Variants in NSUN3 observed in about 807,000 individuals in gnomAD.
The protein encoded by NSUN3 is NOP2/Sun RNA methyltransferase 3.
NSUN3 carries 24 observed loss-of-function variants against 36.8 expected under a neutral mutation model. The observed-to-expected ratio is 0.65, with a 90% CI of 0.47 to 0.92. The LOEUF (loss-of-function observed/expected upper bound fraction) is 0.92. Ranked by LOEUF, NSUN3 falls within the 40% of genes least tolerant of loss-of-function variation. NSUN3 has a pLI of 0.00. For synonymous variants in NSUN3, 146 were observed against 145.2 expected, an observed-to-expected ratio of 1.01 and a Z score of -0.04; for missense variants, 381 against 392.8, an observed-to-expected ratio of 0.97 and a Z score of 0.25.
Position 94,078,837 on chromosome 3 carries a change from G to A in NSUN3, c.123-5270G>A, listed in dbSNP as rs1017934089. Among the ~76,000 whole-genome samples, 7 of 152,084 alleles carry A rather than the reference G, an allele frequency of 4.6e-5. No individual in the cohort carries two copies. The East Asian group carries it at 7.7e-4, about 17-fold the overall frequency. On this transcript the variant is annotated intron_variant, in intron 2 of 5. Transcript: ENST00000314622. Reference sequence around the variant, plus strand: ...TGAACCTATGTGTGTCTCTGCATGCGAGATGGGTCTCCTGAATACAGCACA... The same window carrying A: ...TGAACCTATGTGTGTCTCTGCATGCAAGATGGGTCTCCTGAATACAGCACA...
intron 5 of NSUN3, among the ~76,000 whole-genome samples, chr3:94,112,395 G>A (rs185987818): frequency 4.6e-5 from 7 of 152,236 alleles, no homozygotes; most frequent in South Asian, 2.1e-4. Context: ...ACAACTCCAC[G>A]TGGTACCAAA....
chr3:94,081,087 G>A (rs1416250031), intron 2 of NSUN3, among the ~76,000 whole-genome samples: 1 of 152,198 alleles, frequency 6.6e-6, no homozygotes, highest in Admixed American at 6.5e-5. Context: ...TAGACCATGG[G>A]GAAAGCGTGG....
intron 5 of NSUN3, among the ~76,000 whole-genome samples, chr3:94,098,114 C>G (rs2077350829): frequency 6.6e-6 from 1 of 152,070 alleles, no homozygotes; most frequent in Non-Finnish European, 1.5e-5. Context: ...CCTCTTCCCC[C>G]TCTCTTCTCG....
chr3:94,116,224 T>C (rs1342630232), intron 5 of NSUN3, among the ~76,000 whole-genome samples: 1 of 152,234 alleles, frequency 6.6e-6, no homozygotes, highest in Non-Finnish European at 1.5e-5. Flanking sequence ...CACCTTGTTT[T>C]AAGCCAGTTT....
At position 94,126,238 on chromosome 3, in the gene NSUN3, A is replaced by G; in HGVS notation, c.771A>G (p.Gly257=). The G allele has an allele frequency of 1.2e-6, 2 of 1,613,980 alleles. No homozygotes were observed. The highest frequency in any genetic ancestry group is 1.7e-6 in the Non-Finnish European group (2 of 1,179,958). The change falls in exon 6 of 6, where the codon GGA becomes GGG. Residue 257 remains glycine (G), a synonymous_variant. Coordinates refer to ENST00000314622, the MANE Select transcript of NSUN3 (RefSeq NM_022072.5). ...CTGCAATTAAGGCCTTACGTCCTGG[A>G]GGGATACTTGTATACTCTACATGCA... ...LRSAIKALRP[G]GILVYSTCTL...
intron 3 of NSUN3, chr3:94,085,160 AG>A (rs911712384): frequency 1.3e-5 from 2 of 152,204 alleles, no homozygotes; most frequent in Non-Finnish European, 2.9e-5. Flanking sequence ...CAATCCAAAA[AG>A]TCTTTTCAAG....
chr3:94,127,770 C>T lies in NSUN3; in HGVS notation c.*1280C>T, dbSNP rs2077493452. The T allele has an allele frequency of 6.6e-6, 1 of 152,056 alleles. No homozygotes were observed. The highest frequency in any genetic ancestry group is 1.5e-5 in the Non-Finnish European group (1 of 68,016). The allele number at this position is 152,056 out of a possible 1,614,324, so 9.4% of individuals were successfully genotyped here. A position where few individuals can be genotyped will look rare whatever the true frequency, so the allele number is the denominator to read the frequency against. Reference sequence around the variant, plus strand: ...TTTGAATTGTTCATTATGTTCTGTGCCTTTAAACTAGAGACTATTTGCTTA... The same window carrying T: ...TTTGAATTGTTCATTATGTTCTGTGTCTTTAAACTAGAGACTATTTGCTTA... On this transcript the variant is annotated 3_prime_UTR_variant, in exon 6 of 6. Transcript: ENST00000314622.
Position 94,122,499 on chromosome 3 carries a change from C to A in NSUN3, c.744-3712C>A, listed in dbSNP as rs1353531489. On this transcript the variant is annotated intron_variant, in intron 5 of 5. Coordinates refer to ENST00000314622, the MANE Select transcript of NSUN3 (RefSeq NM_022072.5). ...CCAAGGATTTATGTCACTTACACCACCCTTCCCTCATCACACTACCCTGCA... is the reference window on the plus strand; with the variant it reads ...CCAAGGATTTATGTCACTTACACCAACCTTCCCTCATCACACTACCCTGCA... Among the ~76,000 whole-genome samples, 2 of 152,144 alleles carry A rather than the reference C, an allele frequency of 1.3e-5. 1 individual carries two copies. The highest frequency in any genetic ancestry group is 4.1e-4 in the South Asian group (2 of 4,824).
chr3:94,126,157 G>C (rs1023593338), intron 5 of NSUN3, 54 bp from the exon 6 acceptor site: 3 of 1,481,984 alleles, frequency 2.0e-6, no homozygotes, highest in African/African-American at 2.8e-5. Context: ...CAGACCCCCT[G>C]GTTTCTTTTT....
chr3:94,102,305 A>G (rs1576094680), intron 5 of NSUN3, among the ~76,000 whole-genome samples: 1 of 151,908 alleles, frequency 6.6e-6, no homozygotes, highest in Non-Finnish European at 1.5e-5. Flanking sequence ...TTCATCATTC[A>G]TCAACACAGT....
At chr3:94,116,620 TTAACTAGTTTTATCATAC>T (rs1347571756) in intron 5 of NSUN3, among the ~76,000 whole-genome samples, 3 of 152,234 alleles carry the variant, frequency 2.0e-5, no homozygotes, top group Non-Finnish European at 2.9e-5. Flanking sequence ...AACTATGTGG[TTAACTAGTTTTATCATAC>T]TAACTAGTTT....
At chr3:94,071,541 A>G (rs1385157642) in intron 2 of NSUN3, among the ~76,000 whole-genome samples, 1 of 152,208 alleles carries the variant, frequency 6.6e-6, no homozygotes, top group African/African-American at 2.4e-5. Flanking sequence ...TTGTATTTTA[A>G]AATGTCAATT....
At chr3:94,071,414 T>C (rs936907362) in intron 2 of NSUN3, among the ~76,000 whole-genome samples, 10 of 152,208 alleles carry the variant, frequency 6.6e-5, no homozygotes, top group Non-Finnish European at 1.5e-4. Context: ...ACGAGCAGCA[T>C]AAAATTTCCA....
intron 5 of NSUN3, among the ~76,000 whole-genome samples, chr3:94,102,813 A>G (rs1487538895): frequency 6.6e-6 from 1 of 152,142 alleles, no homozygotes; most frequent in Admixed American, 6.5e-5. Flanking sequence ...CAATATGAAT[A>G]CAATCTTGAA....
At chr3:94,100,387 G>T (rs1462110655) in intron 5 of NSUN3, among the ~76,000 whole-genome samples, 1 of 152,178 alleles carries the variant, frequency 6.6e-6, no homozygotes, top group East Asian at 1.9e-4. Context: ...CAGAAAGATA[G>T]ATACCATATG....
chr3:94,108,394 C>T (rs2077400263), intron 5 of NSUN3, among the ~76,000 whole-genome samples: 1 of 152,200 alleles, frequency 6.6e-6, no homozygotes, highest in Non-Finnish European at 1.5e-5. Flanking sequence ...CGGAGTCTTG[C>T]TCTGTTGCCA....
intron 2 of NSUN3, among the ~76,000 whole-genome samples, chr3:94,070,127 G>A (rs1166962780): frequency 1.3e-5 from 2 of 152,138 alleles, no homozygotes; most frequent in African/African-American, 4.8e-5. Context: ...GACAGACGGT[G>A]TATTTTTAGA....
chr3:94,074,865 G>A (rs942209324), intron 2 of NSUN3, among the ~76,000 whole-genome samples: 5 of 152,244 alleles, frequency 3.3e-5, no homozygotes, highest in African/African-American at 1.2e-4. Context: ...GTGAGAGAGG[G>A]CATTCTTGTC....
At chr3:94,085,058 T>C (rs1000705233) in intron 3 of NSUN3, 5 of 152,304 alleles carry the variant, frequency 3.3e-5, no homozygotes, top group African/African-American at 9.7e-5. Flanking sequence ...GTCTTTAAAA[T>C]TGGTTACGTT....
Sources: gnomAD v4.1 joint callset for allele counts (sites outside exome capture counted in the v4.1 genomes callset) on GRCh38, gnomAD v4.1.1 for gene constraint, MANE v1.5 for transcripts, NCBI Gene and HGNC (gene_info 2026-07-23, HGNC 2026-07-21) for gene names.